Variants in ANKRD26 observed in about 807,000 individuals in gnomAD.
The protein encoded by ANKRD26 is ankyrin repeat domain 26, also known as ankyrin repeat domain-containing protein 26.
In ANKRD26, 141 loss-of-function variants were observed where a neutral mutation model predicts 208.7. The ratio of observed to expected loss-of-function variants is 0.68; its 90% CI spans 0.59 to 0.78. The LOEUF is 0.78. Among genes scored for constraint, ANKRD26 ranks in the 30% least tolerant of loss-of-function variants. The pLI is 0.00. For synonymous variants in ANKRD26, 636 were observed against 660.4 expected, an observed-to-expected ratio of 0.96 and a Z score of 0.57; for missense variants, 1,889 against 1,938.7, an observed-to-expected ratio of 0.97 and a Z score of 0.48.
chr10:27,069,264 G>T (rs1375914592), intron 9 of ANKRD26, among the ~76,000 whole-genome samples: 1 of 151,490 alleles, frequency 6.6e-6, no homozygotes, highest in Non-Finnish European at 1.5e-5. Context: ...AAAGAACTTG[G>T]TGAGTGACTG....
intron 9 of ANKRD26, among the ~76,000 whole-genome samples, chr10:27,075,540 ATC>A (rs1280919053): frequency 6.6e-6 from 1 of 152,224 alleles, no homozygotes; most frequent in African/African-American, 2.4e-5. Flanking sequence ...CAACAAGAAG[ATC>A]TAAGAATCCT....
intron 1 of ANKRD26, among the ~76,000 whole-genome samples, chr10:27,097,517 G>T (rs1456552583): frequency 6.6e-6 from 1 of 152,024 alleles, no homozygotes. Context: ...AGGTATTCAG[G>T]TTATGATTGA....
chr10:27,051,976 G>A, intron 16 of ANKRD26: 1 of 985,182 alleles, frequency 1.0e-6, no homozygotes, highest in African/African-American at 1.7e-5. Flanking sequence ...TCATCATTTT[G>A]CACACAAGGA....
intron 21 of ANKRD26, among the ~76,000 whole-genome samples, chr10:27,038,820 A>C (rs539028634): frequency 4.6e-5 from 7 of 152,294 alleles, no homozygotes; most frequent in African/African-American, 1.7e-4. Context: ...ATTACAGTGT[A>C]AGATAACACC....
chr10:27,065,812 A>G (rs1361904627), intron 11 of ANKRD26, among the ~76,000 whole-genome samples: 1 of 149,414 alleles, frequency 6.7e-6, no homozygotes, highest in Non-Finnish European at 1.5e-5. Flanking sequence ...TCCATACATA[A>G]CACAGAATCA....
chr10:27,082,096 A>C (rs1343457552), intron 6 of ANKRD26, among the ~76,000 whole-genome samples: 1 of 150,692 alleles, frequency 6.6e-6, no homozygotes, highest in African/African-American at 2.4e-5. Flanking sequence ...AAACAAAATC[A>C]TATCCTTTCC....
chr10:26,956,867 GT>G, the ANKRD26 span, among the ~76,000 whole-genome samples: 1 of 152,150 alleles, frequency 6.6e-6, no homozygotes, highest in Non-Finnish European at 1.5e-5. Context: ...TTTTGCATTA[GT>G]TTTTAAAATA....
At chr10:27,077,176 G>C (rs2055728615) in intron 9 of ANKRD26, 162 bp downstream of exon 9, 1 of 638,984 alleles carries the variant, frequency 1.6e-6, no homozygotes, top group Non-Finnish European at 2.7e-6. Flanking sequence ...TTCATTTCAA[G>C]GATGCAGGGA....
Position 27,035,561 on chromosome 10 carries a change from A to G in ANKRD26, c.2889T>C (p.Asn963=), listed in dbSNP as rs2054015708. 3 of 1,613,778 alleles carry G rather than the reference A, an allele frequency of 1.9e-6. No homozygotes were observed. Among genetic ancestry groups the G allele is most frequent in the Non-Finnish European group, 2.5e-6 (3 of 1,179,828 alleles). ...NEDLQKTIKQ[N]EETLTQTISQ... is the part of the protein sequence containing the mutation. ...ATATTGTTTGTGTTAATGTTTCCTC[A>G]TTCTGTTTTATAGTCTTCTGAAGGT... The change falls in exon 24 of 34, where the codon AAT becomes AAC. Residue 963 remains asparagine, a synonymous_variant. Coordinates refer to ENST00000376087, the MANE Select transcript of ANKRD26 (RefSeq NM_014915.3).
chr10:27,028,228 A>G (rs1461332609), intron 27 of ANKRD26, among the ~76,000 whole-genome samples: 1 of 152,164 alleles, frequency 6.6e-6, no homozygotes, highest in Non-Finnish European at 1.5e-5. Flanking sequence ...AAAATTCCAC[A>G]CCTGACCTCA....
At chr10:27,070,392 T>C (rs565621996) in intron 9 of ANKRD26, among the ~76,000 whole-genome samples, 1 of 152,180 alleles carries the variant, frequency 6.6e-6, no homozygotes, top group East Asian at 1.9e-4. Flanking sequence ...AGAGCAAGAC[T>C]CCGTCTCAAA....
At chr10:26,969,754 T>G (rs1344930925), downstream of ANKRD26, among the ~76,000 whole-genome samples, 2 of 152,294 alleles carry the variant, frequency 1.3e-5, no homozygotes, top group African/African-American at 2.4e-5. Context: ...TGCCAAACTT[T>G]CAGATTATGT....
At chr10:27,032,034 TA>T (rs1338353559) in intron 25 of ANKRD26, among the ~76,000 whole-genome samples, 4 of 152,210 alleles carry the variant, frequency 2.6e-5, no homozygotes, top group African/African-American at 9.6e-5. Context: ...CATTATCCTC[TA>T]ACTTAATCTG....
chr10:27,079,610 T>C (rs773151703), intron 6 of ANKRD26, among the ~76,000 whole-genome samples: 2 of 152,078 alleles, frequency 1.3e-5, no homozygotes, highest in African/African-American at 4.8e-5. Flanking sequence ...TCCCAGAACT[T>C]TGGGAGGCGG....
Position 27,029,299 on chromosome 10 carries a change from C to T in ANKRD26, c.3865G>A (p.Asp1289Asn), listed in dbSNP as rs1307060089. The part of the protein sequence containing the change: ...EAVRCAEKMQ[D>N]HKQKLEKDNA... ...TTTAAATTTTACTTTTGCTTGTGAT[C>T]TTGCATCTTCTCAGCACATCTGACA... Residue 1289 changes from aspartate (D) to asparagine (N), a missense_variant, in exon 26 of 34, where the codon GAT becomes AAT. This residue lies in a region of ANKRD26 where 613 missense variants were observed against 648.2 expected (regional missense o/e 0.95). Coordinates refer to ENST00000376087, the MANE Select transcript of ANKRD26 (RefSeq NM_014915.3). The T allele has an allele frequency of 6.2e-7, 1 of 1,612,040 alleles. No individual in the cohort carries two copies. Among genetic ancestry groups the T allele is most frequent in the East Asian group, 2.2e-5 (1 of 44,842 alleles).
At chr10:27,030,168 T>C (rs1447977758) in intron 25 of ANKRD26, among the ~76,000 whole-genome samples, 2 of 152,216 alleles carry the variant, frequency 1.3e-5, no homozygotes, top group African/African-American at 2.4e-5. Context: ...CCAATGGAAG[T>C]GGTCTACTAT....
intron 9 of ANKRD26, among the ~76,000 whole-genome samples, 172 bp from the exon 10 acceptor site, chr10:27,067,458 T>C (rs2055302687): frequency 6.6e-6 from 1 of 152,068 alleles, no homozygotes; most frequent in Admixed American, 6.6e-5. Flanking sequence ...CGGGGTAATT[T>C]ATGAAGAAAA....
chr10:26,956,450 T>G, the ANKRD26 span, among the ~76,000 whole-genome samples: 3 of 152,174 alleles, frequency 2.0e-5, no homozygotes, highest in Middle Eastern at 3.2e-3. Context: ...TCTTTGAATT[T>G]TCTTCCATTA....
chr10:26,951,002 TCTTTTC>T, the ANKRD26 span, among the ~76,000 whole-genome samples: 2 of 108,692 alleles, frequency 1.8e-5, no homozygotes, highest in Admixed American at 9.9e-5. Context: ...TTTTCTTTTT[TCTTTTC>T]TTTTCTTTTT....
Sources: allele counts gnomAD v4.1 joint callset (sites outside exome capture counted in the v4.1 genomes callset), GRCh38; gene constraint gnomAD v4.1.1; regional missense constraint gnomAD v4.1.1; transcripts MANE v1.5; gene names NCBI Gene and HGNC (gene_info 2026-07-23, HGNC 2026-07-21).